CSMD1: variants seen among roughly 807,000 people sequenced by gnomAD.
CSMD1 encodes the protein CUB and Sushi multiple domains 1.
A neutral mutation model predicts 417.5 loss-of-function variants in CSMD1; 213 were observed. That is an observed-to-expected ratio of 0.51 (90% CI 0.46 to 0.57). CSMD1 has a LOEUF of 0.57. CSMD1 is among the 20% of genes least tolerant of loss of function. The pLI is 0.00. For missense variants in CSMD1, 6,923 were observed against 4,529.7 expected (o/e 1.53, Z -15.17); for synonymous variants, 2,862 against 1,736.8 (o/e 1.65, Z -16.11).
chr8:4,416,484 T>G (rs189154784), intron 3 of CSMD1, among the ~76,000 whole-genome samples: 166 of 152,226 alleles, frequency 1.1e-3, no homozygotes, highest in African/African-American at 3.7e-3. Flanking sequence ...AAAATTGATA[T>G]TTAGACTTTA....
intron 18 of CSMD1, among the ~76,000 whole-genome samples, chr8:3,384,706 A>G (rs542680020): frequency 5.4e-3 from 505 of 92,878 alleles, no homozygotes; most frequent in Middle Eastern, 0.026. Context: ...TAAATTATAT[A>G]TAAATATATT....
intron 1 of CSMD1, among the ~76,000 whole-genome samples, chr8:4,960,241 T>C (rs1162677797): frequency 3.3e-5 from 5 of 152,150 alleles, no homozygotes; most frequent in South Asian, 2.1e-4. Flanking sequence ...ACAAATAATA[T>C]CTTGAAGGAA....
intron 7 of CSMD1, among the ~76,000 whole-genome samples, chr8:3,693,819 G>C (rs893246835): frequency 1.3e-5 from 2 of 151,144 alleles, no homozygotes; most frequent in Non-Finnish European, 3.0e-5. Flanking sequence ...TGTTGTGTTT[G>C]TTATGGTGTG....
chr8:4,944,991 T>C (rs558290047), intron 1 of CSMD1, among the ~76,000 whole-genome samples: 73 of 152,218 alleles, frequency 4.8e-4, no homozygotes, highest in Non-Finnish European at 9.8e-4. Context: ...AGACGAGAGG[T>C]GGAACCAACC....
intron 3 of CSMD1, among the ~76,000 whole-genome samples, chr8:4,390,665 C>G (rs1338149169): frequency 1.3e-5 from 2 of 152,100 alleles, no homozygotes; most frequent in South Asian, 2.1e-4. Flanking sequence ...AGGCACCCCC[C>G]ACCACGCCCG....
intron 4 of CSMD1, among the ~76,000 whole-genome samples, chr8:4,019,701 G>A (rs77053993): frequency 0.011 from 1,634 of 152,214 alleles, 22 homozygotes; most frequent in East Asian, 0.056. Flanking sequence ...TGCTTTGTCA[G>A]TTATTTACAT....
At chr8:4,065,413 A>G (rs1291102816) in intron 3 of CSMD1, among the ~76,000 whole-genome samples, 1 of 152,240 alleles carries the variant, frequency 6.6e-6, no homozygotes, top group Non-Finnish European at 1.5e-5. Context: ...CATTTTGTAA[A>G]ACTTCTAGAG....
chr8:4,040,500 T>C (rs980335365), intron 3 of CSMD1, among the ~76,000 whole-genome samples: 9 of 152,212 alleles, frequency 5.9e-5, no homozygotes, highest in African/African-American at 2.2e-4. Context: ...ACAAAAACTC[T>C]TTCATATGAA....
At position 3,848,631 on chromosome 8, in the gene CSMD1, T is replaced by C. The variant is rs1026751031; in HGVS notation, c.819-94589A>G. On this transcript the variant is annotated intron_variant, in intron 5 of 69. Transcript: ENST00000635120. ...CCTCACTGTTCTAAAGTGCAGAGAA[T>C]AGATGGAATTTAATTTTAAAGCCAG... Among the ~76,000 whole-genome samples the C allele has an allele frequency of 2.6e-5, 4 of 152,204 alleles. No individual in the cohort carries two copies. In the South Asian group the frequency reaches 6.2e-4, roughly 24 times the overall value.
At chr8:3,201,895 A>G (rs1266533108) in intron 31 of CSMD1, among the ~76,000 whole-genome samples, 170 bp from the exon 32 acceptor site, 1 of 152,144 alleles carries the variant, frequency 6.6e-6, no homozygotes, top group Admixed American at 6.5e-5. Context: ...TTCAGTTGAC[A>G]AAACTATTTT....
chr8:3,863,024 T>A (rs916115360), intron 5 of CSMD1, among the ~76,000 whole-genome samples: 1 of 152,198 alleles, frequency 6.6e-6, no homozygotes. Flanking sequence ...AGATTTGCTT[T>A]GTCTCTGCCT....
At chr8:3,129,315 G>C (rs1033815119) in intron 41 of CSMD1, among the ~76,000 whole-genome samples, 11 of 152,218 alleles carry the variant, frequency 7.2e-5, no homozygotes, top group African/African-American at 2.4e-4. Context: ...CAAAGCAATT[G>C]TCTGACCTGT....
chr8:4,483,719 G>C (rs887486760), intron 2 of CSMD1, among the ~76,000 whole-genome samples: 2 of 152,060 alleles, frequency 1.3e-5, no homozygotes, highest in Non-Finnish European at 2.9e-5. Context: ...GAAAAAGAAA[G>C]GTTCAAACAG....
intron 26 of CSMD1, among the ~76,000 whole-genome samples, chr8:3,232,732 C>G (rs776528625): frequency 3.3e-5 from 5 of 152,066 alleles, no homozygotes; most frequent in Non-Finnish European, 7.4e-5. Context: ...GGATTTCTCT[C>G]GACCATCTTA....
At position 4,154,031 on chromosome 8, in the gene CSMD1, C is replaced by G. The variant is rs148265303; in HGVS notation, c.416-121932G>C. ...TCCTCATTTTGCACCGTATTTTCAG[C>G]TTGCTGCCACATTTGTTTTCCTAAG... On this transcript the variant is annotated intron_variant, in intron 3 of 69. Transcript: ENST00000635120. Among the ~76,000 whole-genome samples the G allele has an allele frequency of 2.8e-3, 422 of 152,286 alleles. 7 individuals carry two copies. Among genetic ancestry groups the G allele is most frequent in the East Asian group, 0.022 (113 of 5,172 alleles).
chr8:3,464,114 AC>A (rs753623377), intron 12 of CSMD1, among the ~76,000 whole-genome samples: 9 of 151,898 alleles, frequency 5.9e-5, no homozygotes, highest in Non-Finnish European at 1.2e-4. Context: ...CCTTTAATTC[AC>A]CCCCTGCTGG....
intron 4 of CSMD1, among the ~76,000 whole-genome samples, chr8:4,017,258 G>A (rs920602937): frequency 2.0e-5 from 3 of 151,962 alleles, no homozygotes; most frequent in African/African-American, 4.8e-5. Flanking sequence ...TCAAGGCTAT[G>A]CAATTCATCT....
intron 5 of CSMD1, among the ~76,000 whole-genome samples, chr8:3,829,587 A>C (rs370351302): frequency 3.3e-4 from 51 of 152,308 alleles, no homozygotes; most frequent in African/African-American, 1.2e-3. Flanking sequence ...CAGTACTTAG[A>C]ATAATGATGG....
intron 2 of CSMD1, among the ~76,000 whole-genome samples, chr8:4,518,710 A>T (rs1372287240): frequency 1.3e-5 from 2 of 152,106 alleles, no homozygotes. Flanking sequence ...GCACATGTAT[A>T]CATATGTAAC....
Sources: allele counts gnomAD v4.1 joint callset (sites outside exome capture counted in the v4.1 genomes callset), GRCh38; gene constraint gnomAD v4.1.1; transcripts MANE v1.5; gene names NCBI Gene and HGNC (gene_info 2026-07-23, HGNC 2026-07-21).